Variants in TMEM132D observed in about 807,000 individuals in gnomAD.
TMEM132D encodes the protein transmembrane protein 132D, also known as mature OL transmembrane protein.
In TMEM132D, 21 loss-of-function variants were observed where a neutral mutation model predicts 62.3. The ratio of observed to expected loss-of-function variants is 0.34; its 90% CI spans 0.24 to 0.49. TMEM132D has a LOEUF of 0.49. Ranked by LOEUF, TMEM132D falls within the 20% of genes least tolerant of loss-of-function variation. The pLI is 0.99. For synonymous variants in TMEM132D, 621 were observed against 575.6 expected (o/e 1.08, Z -1.13); for missense variants, 1,346 against 1,402.8 (o/e 0.96, Z 0.65).
intron 3 of TMEM132D, among the ~76,000 whole-genome samples, chr12:129,480,505 G>A (rs1042444663): frequency 1.3e-5 from 2 of 152,180 alleles, no homozygotes; most frequent in Non-Finnish European, 2.9e-5. Context: ...CTCTGTGAAT[G>A]AGCAAAATCA....
At chr12:129,880,706 C>T (rs1287371954) in intron 1 of TMEM132D, among the ~76,000 whole-genome samples, 1 of 151,444 alleles carries the variant, frequency 6.6e-6, no homozygotes, top group African/African-American at 2.4e-5. Context: ...CTATGGCAAC[C>T]ACTGCAGAAT....
intron 5 of TMEM132D, among the ~76,000 whole-genome samples, chr12:129,147,226 G>GTATACACATATATGTT (rs1565978341): frequency 3.7e-5 from 4 of 108,924 alleles, no homozygotes; most frequent in African/African-American, 1.9e-4. Context: ...ATACACATGT[G>GTATACACATATATGTT]TATGTATATA....
chr12:129,724,781 C>G (rs914423805), intron 1 of TMEM132D, among the ~76,000 whole-genome samples: 1 of 152,170 alleles, frequency 6.6e-6, no homozygotes. Flanking sequence ...CCTTGGCCTC[C>G]TAAAGTGCTG....
chr12:129,264,333 G>C (rs1880630060), intron 4 of TMEM132D, among the ~76,000 whole-genome samples: 1 of 152,166 alleles, frequency 6.6e-6, no homozygotes, highest in Admixed American at 6.5e-5. Flanking sequence ...AGGTTGCAGT[G>C]AGCAGAGATT....
At chr12:129,412,585 G>A (rs530328664) in intron 3 of TMEM132D, among the ~76,000 whole-genome samples, 6 of 152,130 alleles carry the variant, frequency 3.9e-5, no homozygotes, top group South Asian at 4.1e-4. Context: ...GGCCGGGTGC[G>A]GTGGCTCACA....
At chr12:129,787,094 G>C (rs1871267540) in intron 1 of TMEM132D, among the ~76,000 whole-genome samples, 1 of 152,158 alleles carries the variant, frequency 6.6e-6, no homozygotes, top group East Asian at 1.9e-4. Context: ...CCCCAAATCA[G>C]GTGAAATTCA....
chr12:129,145,176 A>G (rs1195807753), intron 5 of TMEM132D, among the ~76,000 whole-genome samples: 6 of 152,176 alleles, frequency 3.9e-5, no homozygotes, highest in Non-Finnish European at 8.8e-5. Context: ...TTTACCACAC[A>G]TGATGCCTCA....
chr12:129,594,323 A>G (rs1174822527), intron 2 of TMEM132D, among the ~76,000 whole-genome samples: 1 of 152,230 alleles, frequency 6.6e-6, no homozygotes, highest in Non-Finnish European at 1.5e-5. Flanking sequence ...CTTGACAGTC[A>G]TCACATAGAT....
At chr12:129,877,439 C>A (rs1206578122) in intron 1 of TMEM132D, among the ~76,000 whole-genome samples, 1 of 152,140 alleles carries the variant, frequency 6.6e-6, no homozygotes, top group Non-Finnish European at 1.5e-5. Flanking sequence ...AGCACCCATT[C>A]CTATTTGTTC....
intron 5 of TMEM132D, among the ~76,000 whole-genome samples, chr12:129,180,935 T>A (rs1878047789): frequency 6.6e-6 from 1 of 151,946 alleles, no homozygotes; most frequent in Non-Finnish European, 1.5e-5. Context: ...CTTGGTGGGA[T>A]GAGAAGATTT....
At chr12:129,224,868 T>TA (rs1593302174) in intron 4 of TMEM132D, among the ~76,000 whole-genome samples, 1 of 152,174 alleles carries the variant, frequency 6.6e-6, no homozygotes, top group African/African-American at 2.4e-5. Flanking sequence ...ATTTTATATA[T>TA]TTTTTAATTA....
intron 2 of TMEM132D, among the ~76,000 whole-genome samples, chr12:129,634,077 C>T (rs1879416988): frequency 6.6e-6 from 1 of 152,160 alleles, no homozygotes; most frequent in Non-Finnish European, 1.5e-5. Flanking sequence ...CTCCAAACAC[C>T]CGCATCCCAT....
At chr12:129,833,446 G>GAAAAA (rs1426863416) in intron 1 of TMEM132D, among the ~76,000 whole-genome samples, 3 of 151,730 alleles carry the variant, frequency 2.0e-5, no homozygotes, top group Non-Finnish European at 2.9e-5. Context: ...ACAAAAAAAT[G>GAAAAA]AAAAACAAAA....
chr12:129,834,609 T>C (rs912574475), intron 1 of TMEM132D, among the ~76,000 whole-genome samples: 4 of 152,224 alleles, frequency 2.6e-5, no homozygotes, highest in Admixed American at 6.5e-5. Flanking sequence ...GCTTCTGTTC[T>C]GGTCCCTGGG....
chr12:129,472,440 G>C (rs914550185), intron 3 of TMEM132D, among the ~76,000 whole-genome samples: 4 of 152,116 alleles, frequency 2.6e-5, no homozygotes, highest in Non-Finnish European at 5.9e-5. Context: ...CGTTGGGTTG[G>C]GGGGACGGGG....
At chr12:129,396,247 C>T (rs910749363) in intron 3 of TMEM132D, among the ~76,000 whole-genome samples, 1 of 152,030 alleles carries the variant, frequency 6.6e-6, no homozygotes, top group African/African-American at 2.4e-5. Context: ...CCCAATGGAA[C>T]AGCGGGTAGA....
At chr12:129,258,361 AC>A (rs1880464658) in intron 4 of TMEM132D, among the ~76,000 whole-genome samples, 1 of 152,176 alleles carries the variant, frequency 6.6e-6, no homozygotes, top group Non-Finnish European at 1.5e-5. Context: ...CATCAAGCAC[AC>A]ATATTTGTGG....
chr12:129,466,987 G>C (rs1329256682), intron 3 of TMEM132D, among the ~76,000 whole-genome samples: 1 of 152,160 alleles, frequency 6.6e-6, no homozygotes, highest in East Asian at 1.9e-4. Flanking sequence ...TGGATGAATA[G>C]TCCTTAAAAG....
At chr12:129,635,911 C>A (rs1047961115) in intron 2 of TMEM132D, among the ~76,000 whole-genome samples, 1 of 152,142 alleles carries the variant, frequency 6.6e-6, no homozygotes, top group Non-Finnish European at 1.5e-5. Context: ...TGGTTCAGTG[C>A]AGAAACACTG....
Sources: allele counts gnomAD v4.1 joint callset (sites outside exome capture counted in the v4.1 genomes callset), GRCh38; gene constraint gnomAD v4.1.1; transcripts MANE v1.5; gene names NCBI Gene and HGNC (gene_info 2026-07-23, HGNC 2026-07-21).